CPNE4: variants seen among roughly 807,000 people sequenced by gnomAD.
CPNE4 encodes the protein copine-4.
A neutral mutation model predicts 67.9 loss-of-function variants in CPNE4; 25 were observed. The observed-to-expected ratio is 0.37, with a 90% CI of 0.27 to 0.51. The LOEUF (loss-of-function observed/expected upper bound fraction) is 0.51, where lower values mean the gene tolerates loss of function less well. Among genes scored for constraint, CPNE4 ranks in the 20% least tolerant of loss-of-function variants. The pLI is 0.93. For synonymous variants in CPNE4, 242 were observed against 244.9 expected (o/e 0.99, Z 0.11); for missense variants, 464 against 690.8 (o/e 0.67, Z 3.68).
At chr3:131,671,829 T>C (rs546102173) in intron 6 of CPNE4, among the ~76,000 whole-genome samples, 3 of 152,286 alleles carry the variant, frequency 2.0e-5, no homozygotes, top group African/African-American at 7.2e-5. Flanking sequence ...ATTCCACTTA[T>C]ACTGTTTTGG....
At chr3:131,659,295 C>A (rs1309144990) in intron 7 of CPNE4, among the ~76,000 whole-genome samples, 1 of 143,986 alleles carries the variant, frequency 6.9e-6, no homozygotes, top group Non-Finnish European at 1.5e-5. Flanking sequence ...TAATCCTTCC[C>A]TTCATCATTA....
At chr3:131,948,060 C>T (rs958491186) in intron 1 of CPNE4, among the ~76,000 whole-genome samples, 1 of 152,120 alleles carries the variant, frequency 6.6e-6, no homozygotes, top group African/African-American at 2.4e-5. Context: ...TAATTTCTTT[C>T]AGCAATGTTT....
At chr3:131,644,637 A>G (rs2079619513) in intron 7 of CPNE4, among the ~76,000 whole-genome samples, 1 of 152,264 alleles carries the variant, frequency 6.6e-6, no homozygotes, top group South Asian at 2.1e-4. Flanking sequence ...CAAGAAGTGA[A>G]AAGATCACAG....
intron 1 of CPNE4, among the ~76,000 whole-genome samples, chr3:131,947,808 C>A (rs1018913325): frequency 6.6e-6 from 1 of 152,024 alleles, no homozygotes; most frequent in Non-Finnish European, 1.5e-5. Flanking sequence ...TGAGGAATTG[C>A]CACGCTCTCT....
chr3:131,819,042 G>A (rs1022019411), intron 2 of CPNE4, among the ~76,000 whole-genome samples: 1 of 152,194 alleles, frequency 6.6e-6, no homozygotes, highest in African/African-American at 2.4e-5. Context: ...GGAGGTTGCA[G>A]TGAGCGAAGA....
At chr3:131,657,833 G>C (rs891859323) in intron 7 of CPNE4, among the ~76,000 whole-genome samples, 2 of 151,578 alleles carry the variant, frequency 1.3e-5, no homozygotes, top group Non-Finnish European at 2.9e-5. Context: ...CAAAGTGCTG[G>C]GATTACAGGC....
chr3:131,884,617 C>T (rs540967124), intron 2 of CPNE4, among the ~76,000 whole-genome samples: 1 of 152,218 alleles, frequency 6.6e-6, no homozygotes, highest in African/African-American at 2.4e-5. Flanking sequence ...TGTCCCCACC[C>T]AAATCTCATC....
At position 131,575,208 on chromosome 3, in the gene CPNE4, T is replaced by C. The variant is rs1265999887; in HGVS notation, c.868-78A>G. The C allele has an allele frequency of 2.4e-6, 3 of 1,250,356 alleles. No homozygotes were observed. In the Admixed American group the frequency reaches 5.1e-5, roughly 21 times the overall value. 77.5% of individuals were successfully genotyped at this position (1,250,356 alleles called of 1,614,324 possible). ...GATATATTGGAGGCCTAAAGGTTGG[T>C]GACTGATAAGCTGCTAAACCAGAGG... On this transcript the variant is annotated intron_variant, in intron 9 of 15. Transcript: ENST00000429747.
intron 2 of CPNE4, among the ~76,000 whole-genome samples, chr3:131,760,143 T>A (rs1005016622): frequency 2.0e-5 from 3 of 152,314 alleles, no homozygotes; most frequent in Non-Finnish European, 2.9e-5. Flanking sequence ...ATTACTGGAA[T>A]GCCATCATAG....
intron 2 of CPNE4, among the ~76,000 whole-genome samples, chr3:131,887,133 C>G (rs9811176): frequency 1.3e-5 from 2 of 152,008 alleles, no homozygotes; most frequent in African/African-American, 4.8e-5. Flanking sequence ...GTGGGAGGGA[C>G]CCAGTGGGAG....
intron 2 of CPNE4, among the ~76,000 whole-genome samples, chr3:131,774,351 AG>A (rs2083244677): frequency 6.7e-6 from 1 of 148,840 alleles, no homozygotes; most frequent in Non-Finnish European, 1.5e-5. Context: ...AAAAAAAAAA[AG>A]GACCTCTTTC....
intron 7 of CPNE4, among the ~76,000 whole-genome samples, chr3:131,622,466 C>A (rs1202487848): frequency 1.3e-5 from 2 of 152,138 alleles, no homozygotes; most frequent in African/African-American, 4.8e-5. Context: ...ATTTAAAAGT[C>A]TTGAAGGCCA....
At chr3:131,535,594 G>A (rs1258156132) in intron 15 of CPNE4, among the ~76,000 whole-genome samples, 1 of 152,144 alleles carries the variant, frequency 6.6e-6, no homozygotes, top group African/African-American at 2.4e-5. Flanking sequence ...AGAATGAATT[G>A]TTCTGCAGTT....
At chr3:131,710,555 G>T (rs2081532013) in intron 3 of CPNE4, among the ~76,000 whole-genome samples, 1 of 152,172 alleles carries the variant, frequency 6.6e-6, no homozygotes. Context: ...GTAGTATAAT[G>T]AGAAGGCAGG....
chr3:131,916,078 C>G (rs532216379), intron 1 of CPNE4, among the ~76,000 whole-genome samples: 9 of 152,110 alleles, frequency 5.9e-5, no homozygotes, highest in African/African-American at 2.2e-4. Flanking sequence ...CTGTCACAGC[C>G]CCTCCTTTTC....
chr3:132,020,969 T>C (rs1407981157), intron 1 of CPNE4, among the ~76,000 whole-genome samples: 3 of 152,182 alleles, frequency 2.0e-5, no homozygotes, highest in African/African-American at 7.2e-5. Flanking sequence ...TTAAATCCCC[T>C]TTTTTCTCTC....
intron 3 of CPNE4, among the ~76,000 whole-genome samples, chr3:131,705,493 A>G (rs2081394941): frequency 6.6e-6 from 1 of 152,186 alleles, no homozygotes; most frequent in African/African-American, 2.4e-5. Context: ...TGTTCTGCTG[A>G]TTTGGTCTTT....
rs753154183 is a variant in CPNE4 at position 132,034,930 on chromosome 3, G to A, written c.-365C>T. 50 of 985,540 alleles carry A rather than the reference G, an allele frequency of 5.1e-5. No homozygotes were observed. The highest frequency in any genetic ancestry group is 6.0e-5 in the Non-Finnish European group (50 of 830,068). The allele number at this position is 985,540 out of a possible 1,614,324, so 61.0% of individuals were successfully genotyped here. On this transcript the variant is annotated 5_prime_UTR_variant, in exon 1 of 16. Coordinates refer to ENST00000429747, the MANE Select transcript of CPNE4 (RefSeq NM_130808.3). Reference sequence around the variant, plus strand: ...GGAGTGGAGTGGAGCGAGGGAGGAAGGAAAGGAGGGTGGCAGAAAGAGAAG... The same window carrying A: ...GGAGTGGAGTGGAGCGAGGGAGGAAAGAAAGGAGGGTGGCAGAAAGAGAAG...
chr3:131,630,278 A>G (rs2079187741), intron 7 of CPNE4, among the ~76,000 whole-genome samples: 1 of 152,202 alleles, frequency 6.6e-6, no homozygotes, highest in Non-Finnish European at 1.5e-5. Context: ...AACTTATTTT[A>G]CTTAATCATA....
Sources: allele counts gnomAD v4.1 joint callset (sites outside exome capture counted in the v4.1 genomes callset), GRCh38; gene constraint gnomAD v4.1.1; transcripts MANE v1.5; gene names NCBI Gene and HGNC (gene_info 2026-07-23, HGNC 2026-07-21).